ALK: variants seen among roughly 807,000 people sequenced by gnomAD.
ALK encodes ALK tyrosine kinase receptor.
ALK carries 74 observed loss-of-function variants against 163.1 expected under a neutral mutation model. The observed-to-expected ratio is 0.45, with a 90% CI of 0.38 to 0.55. ALK has a LOEUF of 0.55. Ranked by LOEUF, ALK falls within the 20% of genes least tolerant of loss-of-function variation. ALK has a pLI of 0.00. For synonymous variants in ALK, 960 were observed against 843.2 expected, an observed-to-expected ratio of 1.14 and a Z score of -2.40; for missense variants, 2,063 against 2,105.3, an observed-to-expected ratio of 0.98 and a Z score of 0.39.
intron 1 of ALK, among the ~76,000 whole-genome samples, chr2:29,865,608 C>T (rs1179899253): frequency 2.0e-5 from 3 of 152,182 alleles, no homozygotes; most frequent in Non-Finnish European, 4.4e-5. Flanking sequence ...ACTATTGGTC[C>T]ATCTTTGCTC....
At chr2:29,868,559 C>T (rs1666501292) in intron 1 of ALK, among the ~76,000 whole-genome samples, 2 of 152,116 alleles carry the variant, frequency 1.3e-5, no homozygotes, top group South Asian at 4.1e-4. Context: ...AGAGACCTCA[C>T]TGAGAAGGTG....
chr2:29,302,709 T>C (rs1270984248), intron 8 of ALK, among the ~76,000 whole-genome samples: 1 of 152,172 alleles, frequency 6.6e-6, no homozygotes, highest in African/African-American at 2.4e-5. Flanking sequence ...AGTGAATGGC[T>C]AGCAAATGTG....
At chr2:29,208,475 G>T (rs1398535956) in intron 25 of ALK, among the ~76,000 whole-genome samples, 2 of 151,168 alleles carry the variant, frequency 1.3e-5, no homozygotes, top group Non-Finnish European at 2.9e-5. Context: ...GGTATTCTGA[G>T]GAGGGAGAGG....
intron 1 of ALK, among the ~76,000 whole-genome samples, chr2:29,722,624 A>G (rs1679454185): frequency 6.6e-6 from 1 of 151,988 alleles, no homozygotes; most frequent in Non-Finnish European, 1.5e-5. Context: ...CTGCATCTAA[A>G]CTCTCTCTCA....
intron 1 of ALK, among the ~76,000 whole-genome samples, chr2:29,781,208 C>T (rs1369222639): frequency 8.5e-5 from 13 of 152,228 alleles, no homozygotes; most frequent in Admixed American, 8.5e-4. Context: ...CAACATCTGT[C>T]AGGGCTGTGG....
chr2:29,797,954 G>A (rs1426503790), intron 1 of ALK, among the ~76,000 whole-genome samples: 10 of 152,084 alleles, frequency 6.6e-5, no homozygotes, highest in Admixed American at 1.3e-4. Flanking sequence ...AGCCACCTGC[G>A]GAAGGCCACG....
chr2:29,499,324 G>A (rs777236277), intron 4 of ALK, among the ~76,000 whole-genome samples: 6 of 152,080 alleles, frequency 3.9e-5, no homozygotes, highest in Non-Finnish European at 5.9e-5. Context: ...AGCCTCCCAA[G>A]TAGCTGGAAT....
chr2:29,917,242 C>T (rs1240845844), intron 1 of ALK, among the ~76,000 whole-genome samples: 1 of 152,166 alleles, frequency 6.6e-6, no homozygotes, highest in Non-Finnish European at 1.5e-5. Flanking sequence ...CTCTTCCCTC[C>T]CCCACAAATA....
chr2:29,677,320 A>G (rs894845783), intron 3 of ALK, among the ~76,000 whole-genome samples: 1 of 144,140 alleles, frequency 6.9e-6, no homozygotes, highest in South Asian at 2.3e-4. Context: ...GCTAGGCTCA[A>G]TCACTACAAG....
intron 3 of ALK, among the ~76,000 whole-genome samples, chr2:29,683,674 T>C (rs1043698399): frequency 1.3e-5 from 2 of 152,182 alleles, no homozygotes; most frequent in African/African-American, 4.8e-5. Flanking sequence ...GCAAATCCTT[T>C]GTCATGTCCA....
intron 4 of ALK, among the ~76,000 whole-genome samples, chr2:29,464,632 G>A (rs1272891800): frequency 6.6e-6 from 1 of 152,212 alleles, no homozygotes; most frequent in Non-Finnish European, 1.5e-5. Context: ...AGATTAGAGA[G>A]TGTAGGGCAG....
At chr2:29,325,499 G>A (rs998737291) in intron 6 of ALK, among the ~76,000 whole-genome samples, 18 of 152,332 alleles carry the variant, frequency 1.2e-4, no homozygotes, top group South Asian at 8.3e-4. Context: ...CCCAGAGGGG[G>A]AGGCCCCCAG....
At chr2:29,678,513 T>G (rs1233465087) in intron 3 of ALK, among the ~76,000 whole-genome samples, 2 of 151,572 alleles carry the variant, frequency 1.3e-5, no homozygotes, top group African/African-American at 4.8e-5. Context: ...TTCATTCAGG[T>G]GAAATATTTT....
At chr2:29,699,853 C>G (rs1259757994) in intron 2 of ALK, among the ~76,000 whole-genome samples, 2 of 152,202 alleles carry the variant, frequency 1.3e-5, no homozygotes, top group African/African-American at 4.8e-5. Flanking sequence ...ATGGAACCTT[C>G]TGGAAAAGAT....
At chr2:29,530,156 T>G (rs1017009877) in intron 4 of ALK, among the ~76,000 whole-genome samples, 4 of 149,412 alleles carry the variant, frequency 2.7e-5, no homozygotes, top group African/African-American at 9.8e-5. Flanking sequence ...TCAGGTCTCC[T>G]GGAAAGAGTC....
chr2:29,732,805 G>T (rs189660835), intron 1 of ALK, among the ~76,000 whole-genome samples: 166 of 152,184 alleles, frequency 1.1e-3, no homozygotes, highest in African/African-American at 3.5e-3. Context: ...GCCCTCACCA[G>T]ACACTCAATC....
intron 3 of ALK, among the ~76,000 whole-genome samples, chr2:29,597,863 G>A (rs1427296746): frequency 2.0e-5 from 3 of 152,186 alleles, no homozygotes; most frequent in African/African-American, 7.2e-5. Flanking sequence ...GTGCAGGGCT[G>A]CAGAGGGGTA....
intron 4 of ALK, among the ~76,000 whole-genome samples, chr2:29,508,672 T>C (rs1168969525): frequency 1.5e-5 from 2 of 133,042 alleles, no homozygotes; most frequent in African/African-American, 2.9e-5. Flanking sequence ...GTTGTGCACA[T>C]GTACCCTAAA....
chr2:29,810,197 G>A (rs1664718721), intron 1 of ALK, among the ~76,000 whole-genome samples: 1 of 152,070 alleles, frequency 6.6e-6, no homozygotes, highest in East Asian at 1.9e-4. Context: ...CAAGGCGGGT[G>A]AATCACCTGA....
Sources: allele counts gnomAD v4.1 joint callset (sites outside exome capture counted in the v4.1 genomes callset), GRCh38; gene constraint gnomAD v4.1.1; transcripts MANE v1.5; gene names NCBI Gene and HGNC (gene_info 2026-07-23, HGNC 2026-07-21).